The following SLC18B1 variants were observed in gnomAD, a reference collection of about 807,000 sequenced individuals.
The protein encoded by SLC18B1 is solute carrier family 18 member B1.
SLC18B1 carries 62 observed loss-of-function variants against 53.9 expected under a neutral mutation model. The observed-to-expected ratio is 1.15, with a 90% CI of 0.94 to 1.42. The LOEUF (loss-of-function observed/expected upper bound fraction) is 1.42. Ranked by LOEUF, SLC18B1 falls within the 40% of genes most tolerant of loss-of-function variation. SLC18B1 has a pLI of 0.00. For missense variants in SLC18B1, 598 were observed against 547.3 expected (o/e 1.09, Z -0.93); for synonymous variants, 217 against 200.9 (o/e 1.08, Z -0.68).
intron 3 of SLC18B1, 40 bp downstream of exon 3, chr6:132,790,136 AT>A (rs1377690902): frequency 7.2e-7 from 1 of 1,395,068 alleles, no homozygotes; most frequent in Non-Finnish European, 9.8e-7. Flanking sequence ...CCATCATATA[AT>A]TTTTAAAAAT....
At chr6:132,789,657 A>C (rs554234862) in intron 4 of SLC18B1, 107 bp downstream of exon 4, 7 of 791,422 alleles carry the variant, frequency 8.8e-6, no homozygotes, top group Non-Finnish European at 1.5e-5. Flanking sequence ...TATGCATTTG[A>C]CAGACAATAA....
At chr6:132,792,865 T>C (rs1781584937) in intron 2 of SLC18B1, among the ~76,000 whole-genome samples, 1 of 152,170 alleles carries the variant, frequency 6.6e-6, no homozygotes, top group South Asian at 2.1e-4. Context: ...ACTCCTGTAA[T>C]TCCAGCAATT....
chr6:132,774,590 A>G (rs777009487), intron 8 of SLC18B1, among the ~76,000 whole-genome samples: 1 of 152,172 alleles, frequency 6.6e-6, no homozygotes, highest in African/African-American at 2.4e-5. Context: ...TATTACAAAT[A>G]TAACAACGAA....
chr6:132,785,316 T>C (rs866892483), intron 5 of SLC18B1, among the ~76,000 whole-genome samples: 13 of 152,356 alleles, frequency 8.5e-5, no homozygotes, highest in Middle Eastern at 3.4e-3. Flanking sequence ...TGTTCCCTTC[T>C]GTAACTTTTG....
At chr6:132,790,543 G>T (rs769407611) in intron 2 of SLC18B1, among the ~76,000 whole-genome samples, 2 of 152,152 alleles carry the variant, frequency 1.3e-5, no homozygotes, top group Non-Finnish European at 2.9e-5. Flanking sequence ...GAATCAGAGT[G>T]TATAAACAAA....
At position 132,792,359 on chromosome 6, in the gene SLC18B1, A is replaced by AGGAAGGAAG. The variant is rs1423315356; in HGVS notation, c.184-2088_184-2087insCTTCCTTCC. Among the ~76,000 whole-genome samples the AGGAAGGAAG allele has an allele frequency of 2.9e-5, 4 of 135,994 alleles. 1 individual carries two copies. The highest frequency in any genetic ancestry group is 7.1e-5 in the Admixed American group (1 of 14,000). The allele number at this position is 135,994 out of a possible 152,430, so 89.2% of individuals were successfully genotyped here. A position where few individuals can be genotyped will look rare whatever the true frequency, so the allele number is the denominator to read the frequency against. ...AGGAAGGAAGGAAGGAAGGAAGGGA[A>AGGAAGGAAG]AGAAAGAAAAGAAGGAAAGAAAGAG... On this transcript the variant is annotated intron_variant, in intron 2 of 13. Coordinates refer to ENST00000275227, the MANE Select transcript of SLC18B1 (RefSeq NM_052831.3).
chr6:132,785,441 A>AC (rs1369020059), intron 5 of SLC18B1, among the ~76,000 whole-genome samples: 1 of 152,236 alleles, frequency 6.6e-6, no homozygotes. Flanking sequence ...GTTTTTAGGG[A>AC]CCTTAAACAG....
intron 8 of SLC18B1, among the ~76,000 whole-genome samples, chr6:132,775,635 A>T (rs991033245): frequency 2.6e-5 from 4 of 152,228 alleles, no homozygotes; most frequent in Non-Finnish European, 5.9e-5. Context: ...CTGTACTCTG[A>T]TCATCTGGAC....
In SLC18B1 at chr6:132,784,089, C is replaced by A. The variant is rs1204140505; in HGVS notation, c.502G>T (p.Gly168Ter). ...AFPNNVATVLGSLETFSGLGL... is the reference protein window; with the variant it reads ...AFPNNVATVL ...AGTCCAGAAAAAGTCTCAAGACTTCCCTTAAAATGAGAAAAAGAAAAAATC... is the reference window on the plus strand; with the variant it reads ...AGTCCAGAAAAAGTCTCAAGACTTCACTTAAAATGAGAAAAAGAAAAAATC... Residue 168 changes from glycine to a stop codon, truncating the protein, a stop_gained and splice_region_variant, in exon 6 of 14, where the codon GGA becomes TGA. Coordinates refer to ENST00000275227, the MANE Select transcript of SLC18B1 (RefSeq NM_052831.3). LOFTEE classifies it high-confidence loss of function. 6 of 1,547,114 alleles carry A rather than the reference C, an allele frequency of 3.9e-6. No homozygotes were observed. Among genetic ancestry groups the A allele is most frequent in the African/African-American group, 1.4e-5 (1 of 71,238 alleles).
intron 6 of SLC18B1, among the ~76,000 whole-genome samples, chr6:132,780,456 T>A (rs1781205706): frequency 1.3e-5 from 2 of 152,138 alleles, no homozygotes; most frequent in Admixed American, 6.5e-5. Context: ...TGTAAATACT[T>A]GTTGAATCAT....
intron 6 of SLC18B1, among the ~76,000 whole-genome samples, chr6:132,782,794 A>T (rs189010729): frequency 0.014 from 2,005 of 143,448 alleles, 14 homozygotes; most frequent in Non-Finnish European, 0.022. Context: ...TTTTTTTTTG[A>T]GATGGAGTCT....
In SLC18B1 at chr6:132,797,003, A is replaced by G; in HGVS notation, c.162T>C (p.Leu54=). ...NLGSMMCYSI[L]GPFFPKEAEK... Reference sequence around the variant, plus strand: ...TTACCTCTTTGGGGAAAAACGGTCCAAGTATAGAATAGCACATCATGGAAC... The same window carrying G: ...TTACCTCTTTGGGGAAAAACGGTCCGAGTATAGAATAGCACATCATGGAAC... Residue 54 remains leucine, a synonymous_variant, in exon 2 of 14, where the codon CTT becomes CTC. Coordinates refer to ENST00000275227, the MANE Select transcript of SLC18B1 (RefSeq NM_052831.3). 6.2e-7 allele frequency: 1 copy of G among 1,613,662 alleles called. No homozygotes were observed. The highest frequency in any genetic ancestry group is 8.5e-7 in the Non-Finnish European group (1 of 1,179,712).
chr6:132,798,632 G>T lies in SLC18B1; in HGVS notation c.-176C>A. 1.8e-6 allele frequency: 1 copy of T among 562,892 alleles called. No homozygotes were observed. Among genetic ancestry groups the T allele is most frequent in the Non-Finnish European group, 2.7e-6 (1 of 369,574 alleles). 34.9% of individuals were successfully genotyped at this position (562,892 alleles called of 1,614,324 possible). A position where few individuals can be genotyped will look rare whatever the true frequency, so the allele number is the denominator to read the frequency against. ...CCCGGAGCTCCCCAAAGCCTTCCAGGACTCTGGGTCCCCGGGAGGAGGCCG... is the reference window on the plus strand; with the variant it reads ...CCCGGAGCTCCCCAAAGCCTTCCAGTACTCTGGGTCCCCGGGAGGAGGCCG... On this transcript the variant is annotated 5_prime_UTR_variant, in exon 1 of 14. Transcript: ENST00000275227.
chr6:132,787,635 T>C (rs1170838549), intron 4 of SLC18B1, 54 bp from the exon 5 acceptor site: 3 of 1,462,164 alleles, frequency 2.1e-6, no homozygotes, highest in Admixed American at 2.6e-5. Context: ...TTTTTTTTTT[T>C]TTCCTTTTTA....
chr6:132,779,439 G>A (rs1781176762), intron 6 of SLC18B1, 35 bp from the exon 7 acceptor site: 2 of 1,563,918 alleles, frequency 1.3e-6, no homozygotes, highest in Non-Finnish European at 8.7e-7. Flanking sequence ...AAAAAAAAAT[G>A]AAAGCAATTA....
At chr6:132,785,889 T>G (rs1438614814) in intron 5 of SLC18B1, among the ~76,000 whole-genome samples, 1 of 88,740 alleles carries the variant, frequency 1.1e-5, no homozygotes, top group Non-Finnish European at 2.0e-5. Flanking sequence ...AGCAAGACCC[T>G]GTCTCTACAA....
chr6:132,770,372 T>C (rs781572689), intron 13 of SLC18B1, 36 bp from the exon 14 acceptor site: 43 of 1,530,374 alleles, frequency 2.8e-5, no homozygotes, highest in Non-Finnish European at 3.7e-5. Flanking sequence ...ATCTCAATAT[T>C]TCTCATCTTA....
At position 132,774,324 on chromosome 6, in the gene SLC18B1, A is replaced by T; in HGVS notation, c.898-11T>A. On this transcript the variant is annotated splice_polypyrimidine_tract_variant and intron_variant, in intron 8 of 13. Transcript: ENST00000275227. ...CCATTTCCTTAGAGGCTGGTAAAGG[A>T]GAAAGAGAGTCAAAATGATTCTTAG... 1 of 1,600,296 alleles carries T rather than the reference A, an allele frequency of 6.2e-7. No individual in the cohort carries two copies. The highest frequency in any genetic ancestry group is 8.5e-7 in the Non-Finnish European group (1 of 1,172,634).
intron 5 of SLC18B1, among the ~76,000 whole-genome samples, chr6:132,786,934 T>A (rs943448834): frequency 1.3e-5 from 2 of 152,108 alleles, no homozygotes; most frequent in African/African-American, 4.8e-5. Flanking sequence ...TATGTCAAAA[T>A]GCAAAAGCAC....
Sources: allele counts gnomAD v4.1 joint callset (sites outside exome capture counted in the v4.1 genomes callset), GRCh38; gene constraint gnomAD v4.1.1; transcripts MANE v1.5; gene names NCBI Gene and HGNC (gene_info 2026-07-23, HGNC 2026-07-21).